The following USP30 variants were observed in gnomAD, a reference collection of about 807,000 sequenced individuals.
USP30 encodes ubiquitin carboxyl-terminal hydrolase 30.
USP30 carries 41 observed loss-of-function variants against 68.2 expected under a neutral mutation model. The ratio of observed to expected loss-of-function variants is 0.60; its 90% CI spans 0.47 to 0.78. The LOEUF is 0.78. USP30 is among the 30% of genes least tolerant of loss of function. USP30 has a pLI of 0.00. For missense variants in USP30, 522 were observed against 649.4 expected (o/e 0.80, Z 2.13); for synonymous variants, 229 against 253.7 (o/e 0.90, Z 0.93).
intron 8 of USP30, 97 bp from the exon 9 acceptor site, chr12:109,081,836 A>G: frequency 8.0e-7 from 1 of 1,253,332 alleles, no homozygotes; most frequent in Non-Finnish European, 1.2e-6. Context: ...GCCTGCATAC[A>G]TCAAAATAAA....
At chr12:109,045,652 G>A (rs537236012) in intron 3 of USP30, among the ~76,000 whole-genome samples, 2 of 152,278 alleles carry the variant, frequency 1.3e-5, no homozygotes, top group South Asian at 4.1e-4. Context: ...CACTAGGAGG[G>A]GCTGTTGGGA....
intron 3 of USP30, among the ~76,000 whole-genome samples, chr12:109,058,313 G>A (rs1164333813): frequency 6.6e-6 from 1 of 152,204 alleles, no homozygotes; most frequent in Non-Finnish European, 1.5e-5. Flanking sequence ...GCTCATGCCT[G>A]TAATCCCAGT....
chr12:109,086,138 CTGTTG>C lies in USP30; in HGVS notation c.*212_*216del, dbSNP rs946183005. On this transcript the variant is annotated 3_prime_UTR_variant, in exon 13 of 13. Coordinates refer to ENST00000257548, the MANE Select transcript of USP30 (RefSeq NM_032663.5). ...GTCCTGTTCATGTGTGTAGGTGGTT[CTGTTG>C]TGTTAAGAAAGCATTCATTATGTCC... The C allele has an allele frequency of 5.2e-5, 33 of 628,716 alleles. No homozygotes were observed. The South Asian group carries it at 5.4e-4, about 10-fold the overall frequency. The allele number at this position is 628,716 out of a possible 1,614,324, so 38.9% of individuals were successfully genotyped here.
chr12:109,075,499 C>T (rs975203670), intron 7 of USP30, among the ~76,000 whole-genome samples: 22 of 152,108 alleles, frequency 1.4e-4, no homozygotes, highest in Admixed American at 1.2e-3. Context: ...TACAGGCACC[C>T]GCCAACACAC....
chr12:109,079,351 C>CTTTT (rs71079521), intron 7 of USP30, among the ~76,000 whole-genome samples: 32 of 48,786 alleles, frequency 6.6e-4, no homozygotes, highest in African/African-American at 2.1e-3. Context: ...TTTTTTTTTT[C>CTTTT]TTTTTTTTTT....
At chr12:109,035,100 T>C (rs2040509309) in intron 3 of USP30, among the ~76,000 whole-genome samples, 1 of 152,182 alleles carries the variant, frequency 6.6e-6, no homozygotes, top group Non-Finnish European at 1.5e-5. Context: ...TAGAATATAA[T>C]ACACTCAAAT....
chr12:109,073,047 G>A (rs1039173346), intron 6 of USP30, among the ~76,000 whole-genome samples: 1 of 152,144 alleles, frequency 6.6e-6, no homozygotes, highest in Non-Finnish European at 1.5e-5. Context: ...CCAAAGAAAG[G>A]CCTAGTTATT....
At chr12:109,045,891 T>C (rs2040600315) in intron 3 of USP30, among the ~76,000 whole-genome samples, 2 of 152,052 alleles carry the variant, frequency 1.3e-5, no homozygotes, top group South Asian at 4.1e-4. Flanking sequence ...GAACTAGACA[T>C]AGCTATACAT....
At chr12:109,085,325 A>G (rs904860176) in intron 12 of USP30, among the ~76,000 whole-genome samples, 21 of 152,224 alleles carry the variant, frequency 1.4e-4, no homozygotes, top group Non-Finnish European at 4.4e-5. Context: ...ATAAAATATA[A>G]AGAAAATTTA....
At chr12:109,029,883 T>G (rs2040468857) in intron 3 of USP30, among the ~76,000 whole-genome samples, 1 of 152,112 alleles carries the variant, frequency 6.6e-6, no homozygotes, top group Non-Finnish European at 1.5e-5. Context: ...TGATTAACAT[T>G]AATGGTACCC....
At chr12:109,038,932 A>C (rs2040542204) in intron 3 of USP30, among the ~76,000 whole-genome samples, 1 of 152,188 alleles carries the variant, frequency 6.6e-6, no homozygotes, top group Non-Finnish European at 1.5e-5. Flanking sequence ...ATCTGTCCAG[A>C]TATTTTGCCA....
At chr12:109,050,009 T>C (rs2040644642), upstream of USP30, among the ~76,000 whole-genome samples, 2 of 151,892 alleles carry the variant, frequency 1.3e-5, no homozygotes, top group Admixed American at 6.6e-5. Context: ...AAACAAGATA[T>C]GCCGGGCGGG....
chr12:109,028,358 G>A (rs984014162), intron 3 of USP30, among the ~76,000 whole-genome samples: 4 of 152,148 alleles, frequency 2.6e-5, no homozygotes, highest in Non-Finnish European at 4.4e-5. Context: ...GAAGCATGGC[G>A]CTGGCATCTG....
intron 3 of USP30, among the ~76,000 whole-genome samples, chr12:109,032,638 T>C (rs1283400216): frequency 5.9e-5 from 9 of 152,156 alleles, no homozygotes; most frequent in Admixed American, 5.2e-4. Flanking sequence ...AGTGGTTGCT[T>C]AGGAATGGGG....
chr12:109,073,710 G>T (rs1418552608), intron 7 of USP30, among the ~76,000 whole-genome samples, 178 bp downstream of exon 7: 2 of 152,206 alleles, frequency 1.3e-5, no homozygotes, highest in African/African-American at 4.8e-5. Context: ...TTTGAGGTCA[G>T]ATGGCATCTT....
chr12:109,071,212 TACA>T (rs1196456172), intron 4 of USP30, among the ~76,000 whole-genome samples: 1 of 152,234 alleles, frequency 6.6e-6, no homozygotes, highest in Non-Finnish European at 1.5e-5. Flanking sequence ...GTGATGATTG[TACA>T]ACAACATGAA....
chr12:109,085,608 T>C, intron 12 of USP30, 59 bp from the exon 13 acceptor site: 1 of 1,587,024 alleles, frequency 6.3e-7, no homozygotes, highest in Non-Finnish European at 8.6e-7. Context: ...CTTTTGTTTT[T>C]GCCTATAAAG....
Position 109,071,679 on chromosome 12 carries a change from T to C in USP30, c.548T>C (p.Val183Ala). 6.2e-7 allele frequency: 1 copy of C among 1,614,196 alleles called. No homozygotes were observed. The highest frequency in any genetic ancestry group is 8.5e-7 in the Non-Finnish European group (1 of 1,180,042). The change falls in exon 5 of 13, where the codon GTC becomes GCC. Residue 183 changes from valine to alanine, a missense_variant. Transcript: ENST00000257548. ...LEDERDRQPR[V>A]THLFDVHSLE... ...GATGAGCGAGACCGCCAGCCTCGGG[T>C]CACACATTTGTTTGATGTGCATTCC... is the stretch of plus-strand genomic sequence containing the variant.
At chr12:109,058,681 G>A (rs780624324) in intron 3 of USP30, among the ~76,000 whole-genome samples, 3 of 151,842 alleles carry the variant, frequency 2.0e-5, no homozygotes, top group Non-Finnish European at 2.9e-5. Flanking sequence ...CAGTTTCATC[G>A]TAAGAAGTAT....
Sources: gnomAD v4.1 joint callset for allele counts (sites outside exome capture counted in the v4.1 genomes callset) on GRCh38, gnomAD v4.1.1 for gene constraint, MANE v1.5 for transcripts, NCBI Gene and HGNC (gene_info 2026-07-23, HGNC 2026-07-21) for gene names.